ATP11C: variants seen among roughly 807,000 people sequenced by gnomAD.
ATP11C encodes the protein phospholipid-transporting ATPase IG.
A neutral mutation model predicts 97.4 loss-of-function variants in ATP11C; 36 were observed. The observed-to-expected ratio is 0.37, with a 90% CI of 0.28 to 0.49. ATP11C has a LOEUF of 0.49. Ranked by LOEUF, ATP11C falls within the 20% of genes least tolerant of loss-of-function variation. The pLI is 0.98. For missense variants in ATP11C, 730 were observed against 824.6 expected (o/e 0.89, Z 1.40); for synonymous variants, 275 against 290.9 (o/e 0.95, Z 0.56).
At chrX:139,763,634 T>C (rs2082079785) in intron 20 of ATP11C, among the ~76,000 whole-genome samples, 1 of 112,387 alleles carries the variant, frequency 8.9e-6, no homozygotes. Context: ...AAATCATCTC[T>C]AGGTTTCTTT....
At chrX:139,929,759 A>G in intron 1 of ATP11C, among the ~76,000 whole-genome samples, 1 of 111,886 alleles carries the variant, frequency 8.9e-6, no homozygotes, top group Non-Finnish European at 1.9e-5. Context: ...AAAGTCTCAA[A>G]GTTCCACTCA....
Position 139,761,816 on chromosome X carries a change from G to T in ATP11C, c.2640+145C>A, listed in dbSNP as rs775030421. On this transcript the variant is annotated intron_variant, in intron 22 of 29. Coordinates refer to ENST00000682941, the MANE Select transcript of ATP11C (RefSeq NM_001353812.2). ...TTTCTGGTTTCTGATTCATCCAATA[G>T]ACCACCTCTGCTTTGTTGACTGCAA... is the stretch of plus-strand genomic sequence containing the variant. The T allele has an allele frequency of 2.1e-5, 8 of 382,913 alleles. No individual in the cohort carries two copies. In the African/African-American group the frequency reaches 2.1e-4, roughly 10 times the overall value. The allele number at this position is 382,913 out of a possible 1,213,427, so 31.6% of individuals were successfully genotyped here.
At chrX:139,923,052 C>CT (rs1271826686) in intron 1 of ATP11C, among the ~76,000 whole-genome samples, 1 of 112,254 alleles carries the variant, frequency 8.9e-6, no homozygotes, top group South Asian at 3.7e-4. Context: ...TCCCAAAGTG[C>CT]TGGGATTACA....
intron 1 of ATP11C, among the ~76,000 whole-genome samples, chrX:139,865,619 G>A (rs761180907): frequency 2.7e-5 from 3 of 109,610 alleles, no homozygotes; most frequent in Admixed American, 9.8e-5. Flanking sequence ...AAAATTAGCC[G>A]GGCGTGGTGG....
At chrX:139,795,458 C>T (rs747856996) in intron 12 of ATP11C, among the ~76,000 whole-genome samples, 1 of 111,617 alleles carries the variant, frequency 9.0e-6, no homozygotes. Context: ...CACACAGTTT[C>T]ATTAACTGAA....
At chrX:139,772,559 C>T (rs760390657) in intron 19 of ATP11C, among the ~76,000 whole-genome samples, 1 of 111,931 alleles carries the variant, frequency 8.9e-6, no homozygotes, top group Non-Finnish European at 1.9e-5. Context: ...AGACTATACC[C>T]TGCAAGGCCA....
intron 1 of ATP11C, among the ~76,000 whole-genome samples, chrX:139,901,648 T>TA (rs1184741970): frequency 1.8e-5 from 2 of 110,318 alleles, no homozygotes; most frequent in Admixed American, 9.6e-5. Flanking sequence ...CAGAGTACCA[T>TA]AAAAAAATAT....
chrX:139,810,510 A>C (rs1393077652), intron 5 of ATP11C, among the ~76,000 whole-genome samples: 1 of 112,240 alleles, frequency 8.9e-6, no homozygotes, highest in Non-Finnish European at 1.9e-5. Context: ...TTACATAACA[A>C]ACTTCTAAAT....
intron 7 of ATP11C, among the ~76,000 whole-genome samples, chrX:139,801,080 G>A (rs943832050): frequency 3.6e-5 from 4 of 112,302 alleles, no homozygotes; most frequent in Middle Eastern, 4.6e-3. Context: ...GAATTCAATC[G>A]TCTAAGGAAA....
At chrX:139,746,490 G>C (rs940791066) in intron 24 of ATP11C, among the ~76,000 whole-genome samples, 3 of 111,927 alleles carry the variant, frequency 2.7e-5, no homozygotes, top group Non-Finnish European at 3.8e-5. Flanking sequence ...TACAATCCTG[G>C]ATTGACTTGA....
intron 1 of ATP11C, among the ~76,000 whole-genome samples, chrX:139,919,459 AC>A (rs2085217592): frequency 1.9e-5 from 2 of 104,155 alleles, no homozygotes; most frequent in African/African-American, 7.1e-5. Context: ...ACACACACAC[AC>A]ACACACACAC....
intron 23 of ATP11C, among the ~76,000 whole-genome samples, chrX:139,755,255 T>C (rs1053258004): frequency 7.2e-5 from 8 of 111,350 alleles, no homozygotes; most frequent in Admixed American, 9.5e-5. Flanking sequence ...AATAATGAAA[T>C]GCCTAGAAAT....
At position 139,860,209 on chromosome X, in the gene ATP11C, T is replaced by C. The variant is rs138032534; in HGVS notation, c.28-33386A>G. ...TTCATTAGACTTTTCATGACTATAA[T>C]TAGAAAAGATATTTCTATGTTGCTA... On this transcript the variant is annotated intron_variant, in intron 1 of 29. Coordinates refer to ENST00000682941, the MANE Select transcript of ATP11C (RefSeq NM_001353812.2). 3.8e-3 allele frequency among the ~76,000 whole-genome samples: 418 copies of C among 111,109 alleles called. 2 individuals carry two copies. Among genetic ancestry groups the C allele is most frequent in the African/African-American group, 0.013 (389 of 30,781 alleles).
intron 1 of ATP11C, among the ~76,000 whole-genome samples, chrX:139,924,614 T>G (rs372645231): frequency 9.0e-6 from 1 of 110,982 alleles, no homozygotes; most frequent in Non-Finnish European, 1.9e-5. Context: ...GTGTAAACAA[T>G]AGGGTTTACA....
chrX:139,776,729 G>A (rs1325840596), intron 18 of ATP11C, among the ~76,000 whole-genome samples: 2 of 111,608 alleles, frequency 1.8e-5, no homozygotes, highest in Non-Finnish European at 3.8e-5. Context: ...ACTGAAGCCT[G>A]AACTGCACCA....
intron 1 of ATP11C, among the ~76,000 whole-genome samples, chrX:139,858,606 T>C (rs113031989): frequency 3.2e-3 from 361 of 112,448 alleles, no homozygotes; most frequent in Middle Eastern, 0.014. Context: ...TGAGGGTTTA[T>C]GTTTCAAAAA....
At chrX:139,894,775 A>G (rs994581689) in intron 1 of ATP11C, among the ~76,000 whole-genome samples, 1 of 112,324 alleles carries the variant, frequency 8.9e-6, no homozygotes, top group Non-Finnish European at 1.9e-5. Context: ...ATGTATCAAT[A>G]AAAATAATAA....
chrX:139,729,027 C>A, intron 29 of ATP11C, 65 bp from the exon 30 acceptor site: 2 of 890,073 alleles, frequency 2.2e-6, no homozygotes, highest in Non-Finnish European at 3.2e-6. Context: ...ATCTGTTAAG[C>A]ATTTTCAGAA....
intron 1 of ATP11C, among the ~76,000 whole-genome samples, chrX:139,865,289 T>C (rs1472618253): frequency 8.9e-6 from 1 of 111,824 alleles, no homozygotes; most frequent in African/African-American, 3.3e-5. Context: ...GAGGATCACT[T>C]AAGCTCAGAA....
Sources: allele counts gnomAD v4.1 joint callset (sites outside exome capture counted in the v4.1 genomes callset), GRCh38; gene constraint gnomAD v4.1.1; transcripts MANE v1.5; gene names NCBI Gene and HGNC (gene_info 2026-07-23, HGNC 2026-07-21).